Variants in ITGA2 observed in about 807,000 individuals in gnomAD.
ITGA2 encodes integrin alpha-2.
A neutral mutation model predicts 146.3 loss-of-function variants in ITGA2; 101 were observed. The ratio of observed to expected loss-of-function variants is 0.69; its 90% CI spans 0.59 to 0.81. The LOEUF (loss-of-function observed/expected upper bound fraction) is 0.81, where lower values mean the gene tolerates loss of function less well. Among genes scored for constraint, ITGA2 ranks in the 40% least tolerant of loss-of-function variants. The pLI, the probability that ITGA2 is intolerant of heterozygous loss-of-function variation, is 0.00. For synonymous variants in ITGA2, 477 were observed against 487.1 expected, an observed-to-expected ratio of 0.98 and a Z score of 0.27; for missense variants, 1,281 against 1,402.7, an observed-to-expected ratio of 0.91 and a Z score of 1.39.
In ITGA2 at chr5:53,073,114, A is replaced by G. The variant is rs956978267; in HGVS notation, c.2430-4A>G. On this transcript the variant is annotated splice_polypyrimidine_tract_variant and splice_region_variant and intron_variant, in intron 19 of 29. Transcript: ENST00000296585. ...TTTTCCCCCCTCCTTTTTACTTTTA[A>G]CAGAGAACAACCCTTTATTGTCAGC... 3 of 1,611,488 alleles carry G rather than the reference A, an allele frequency of 1.9e-6. No homozygotes were observed. Among genetic ancestry groups the G allele is most frequent in the African/African-American group, 2.7e-5 (2 of 74,742 alleles).
chr5:52,989,717 A>G (rs932159865), intron 1 of ITGA2, among the ~76,000 whole-genome samples, 185 bp downstream of exon 1: 1 of 152,036 alleles, frequency 6.6e-6, no homozygotes, highest in African/African-American at 2.4e-5. Context: ...CCTTCCTGCT[A>G]TCCCAGGCCT....
intron 1 of ITGA2, among the ~76,000 whole-genome samples, chr5:53,005,764 T>G (rs1311403868): frequency 6.6e-6 from 1 of 152,100 alleles, no homozygotes; most frequent in East Asian, 1.9e-4. Context: ...CTGACCACAA[T>G]GAGGTAAACA....
At chr5:53,057,766 C>T (rs552404187) in intron 9 of ITGA2, among the ~76,000 whole-genome samples, 6 of 152,044 alleles carry the variant, frequency 3.9e-5, no homozygotes, top group African/African-American at 1.2e-4. Context: ...CTGCTAAATA[C>T]ATTAATGTTC....
intron 26 of ITGA2, among the ~76,000 whole-genome samples, chr5:53,082,716 T>C (rs941300161): frequency 3.3e-5 from 5 of 152,166 alleles, no homozygotes; most frequent in African/African-American, 1.2e-4. Context: ...GGTTCACTCT[T>C]GGTGTTGTTA....
chr5:53,086,812 C>A (rs1045633079), intron 27 of ITGA2, 140 bp from the exon 28 acceptor site: 2 of 718,498 alleles, frequency 2.8e-6, no homozygotes, highest in Admixed American at 4.0e-5. Context: ...TTTAAGCACA[C>A]ACAGATTCTG....
At chr5:53,046,587 A>G (rs1337067984) in intron 4 of ITGA2, among the ~76,000 whole-genome samples, 1 of 151,988 alleles carries the variant, frequency 6.6e-6, no homozygotes, top group Non-Finnish European at 1.5e-5. Context: ...ATGTGCCTCA[A>G]AATTTTTAAT....
At chr5:53,024,821 A>G (rs899871966) in intron 1 of ITGA2, among the ~76,000 whole-genome samples, 1 of 152,226 alleles carries the variant, frequency 6.6e-6, no homozygotes, top group Non-Finnish European at 1.5e-5. Flanking sequence ...GAAGTCAGAA[A>G]GATACACCAG....
At chr5:53,032,689 T>C (rs1488482188) in intron 2 of ITGA2, among the ~76,000 whole-genome samples, 1 of 152,250 alleles carries the variant, frequency 6.6e-6, no homozygotes, top group African/African-American at 2.4e-5. Context: ...TTTCAGAATC[T>C]TGAATGAAAA....
chr5:53,073,020 G>A (rs1351956178), intron 19 of ITGA2, 98 bp from the exon 20 acceptor site: 1 of 1,221,566 alleles, frequency 8.2e-7, no homozygotes, highest in Admixed American at 1.8e-5. Flanking sequence ...TTCTAAGTAA[G>A]TCTAAAGAGT....
intron 8 of ITGA2, 63 bp downstream of exon 8, chr5:53,055,751 C>G: frequency 6.4e-7 from 1 of 1,566,268 alleles, no homozygotes; most frequent in East Asian, 2.2e-5. Flanking sequence ...TATAGCATCA[C>G]TTCTCAAGGC....
intron 19 of ITGA2, 34 bp from the exon 20 acceptor site, chr5:53,073,084 A>T (rs1024767759): frequency 1.2e-6 from 2 of 1,607,170 alleles, no homozygotes; most frequent in South Asian, 2.2e-5. Context: ...TTTAACAGTA[A>T]TGGCTTTTCC....
At position 52,991,607 on chromosome 5, in the gene ITGA2, A is replaced by G. The variant is rs976331743; in HGVS notation, c.64+2075A>G. On this transcript the variant is annotated intron_variant, in intron 1 of 29. Coordinates refer to ENST00000296585, the MANE Select transcript of ITGA2 (RefSeq NM_002203.4). ...TGTATATACAATTGTATATACATAT[A>G]TATACCTGTTAATATGTATAAAACA... is the stretch of plus-strand genomic sequence containing the variant. Among the ~76,000 whole-genome samples the G allele has an allele frequency of 2.0e-5, 3 of 152,300 alleles. No individual in the cohort carries two copies. The South Asian group carries it at 6.2e-4, about 32-fold the overall frequency.
At chr5:53,024,222 T>C (rs1246069198) in intron 1 of ITGA2, among the ~76,000 whole-genome samples, 2 of 152,168 alleles carry the variant, frequency 1.3e-5, no homozygotes, top group Admixed American at 6.6e-5. Context: ...GGCACTCAAA[T>C]GAGTCAGGAT....
At chr5:53,059,301 A>G (rs1579867846) in intron 10 of ITGA2, among the ~76,000 whole-genome samples, 1 of 151,910 alleles carries the variant, frequency 6.6e-6, no homozygotes, top group Admixed American at 6.6e-5. Context: ...TAGCTGTGCT[A>G]TTATCAAATA....
intron 11 of ITGA2, 145 bp downstream of exon 11, chr5:53,060,157 T>A (rs898359762): frequency 2.3e-6 from 2 of 863,730 alleles, no homozygotes; most frequent in African/African-American, 3.3e-5. Flanking sequence ...GTTGTCTCTT[T>A]GCCAATCGGG....
chr5:53,068,522 C>A (rs1396576110), intron 16 of ITGA2, among the ~76,000 whole-genome samples: 1 of 151,858 alleles, frequency 6.6e-6, no homozygotes, highest in African/African-American at 2.4e-5. Context: ...ATACTTCAAC[C>A]CTTATGGTGA....
intron 1 of ITGA2, among the ~76,000 whole-genome samples, chr5:53,020,810 T>C (rs1742644665): frequency 6.6e-6 from 1 of 151,388 alleles, no homozygotes; most frequent in Non-Finnish European, 1.5e-5. Flanking sequence ...GCCTCCCGAG[T>C]AGCTGGGACT....
intron 1 of ITGA2, among the ~76,000 whole-genome samples, chr5:53,022,164 C>T (rs777973282): frequency 2.0e-5 from 3 of 152,102 alleles, no homozygotes; most frequent in South Asian, 4.2e-4. Flanking sequence ...ACATTATTTA[C>T]GCTCTTGTTG....
intron 1 of ITGA2, among the ~76,000 whole-genome samples, chr5:53,016,236 A>G (rs1742394643): frequency 1.3e-5 from 2 of 152,204 alleles, no homozygotes; most frequent in Admixed American, 6.5e-5. Flanking sequence ...TTTCCTTTCC[A>G]TATCTAGCAC....
Sources: allele counts gnomAD v4.1 joint callset (sites outside exome capture counted in the v4.1 genomes callset), GRCh38; gene constraint gnomAD v4.1.1; transcripts MANE v1.5; gene names NCBI Gene and HGNC (gene_info 2026-07-23, HGNC 2026-07-21).